CALN1: variants seen among roughly 807,000 people sequenced by gnomAD.
CALN1 encodes calcium-binding protein 8.
A neutral mutation model predicts 30.6 loss-of-function variants in CALN1; 17 were observed. The ratio of observed to expected loss-of-function variants is 0.56; its 90% CI spans 0.38 to 0.83. The LOEUF (loss-of-function observed/expected upper bound fraction) is 0.83. Ranked by LOEUF, CALN1 falls within the 40% of genes least tolerant of loss-of-function variation. CALN1 has a pLI of 0.00. For missense variants in CALN1, 291 were observed against 354.9 expected (o/e 0.82, Z 1.45); for synonymous variants, 156 against 131.4 (o/e 1.19, Z -1.28).
chr7:72,250,526 T>G (rs780531738), intron 3 of CALN1, among the ~76,000 whole-genome samples: 1 of 152,138 alleles, frequency 6.6e-6, no homozygotes, highest in Non-Finnish European at 1.5e-5. Flanking sequence ...AGTTCAGATG[T>G]CTGTCCCCTC....
intron 5 of CALN1, among the ~76,000 whole-genome samples, chr7:71,868,628 T>G (rs1361796897): frequency 6.6e-6 from 1 of 151,990 alleles, no homozygotes; most frequent in African/African-American, 2.4e-5. Flanking sequence ...TGCCTCAGCC[T>G]CCCAGAGTGC....
chr7:72,178,141 G>T (rs967190289), intron 3 of CALN1, among the ~76,000 whole-genome samples: 12 of 152,170 alleles, frequency 7.9e-5, no homozygotes, highest in Admixed American at 7.9e-4. Context: ...AATTCAGAAG[G>T]AGAATAAGGC....
intron 4 of CALN1, among the ~76,000 whole-genome samples, chr7:72,082,771 T>C (rs1035058056): frequency 6.6e-6 from 1 of 152,226 alleles, no homozygotes; most frequent in Non-Finnish European, 1.5e-5. Flanking sequence ...AACTACGGAT[T>C]ACATTGCGTG....
intron 5 of CALN1, among the ~76,000 whole-genome samples, chr7:71,849,326 G>C (rs1790503335): frequency 6.6e-6 from 1 of 152,040 alleles, no homozygotes; most frequent in South Asian, 2.1e-4. Context: ...TGGACTCCCA[G>C]TCCATTCCAT....
the CALN1 span, among the ~76,000 whole-genome samples, chr7:72,457,112 G>A: frequency 2.7e-5 from 4 of 149,090 alleles, no homozygotes; most frequent in Admixed American, 2.0e-4. Flanking sequence ...GGGTTCAAGC[G>A]ATTCTCTTGT....
intron 5 of CALN1, among the ~76,000 whole-genome samples, chr7:71,953,685 G>A (rs905940427): frequency 6.6e-6 from 1 of 152,060 alleles, no homozygotes; most frequent in African/African-American, 2.4e-5. Flanking sequence ...AATATTTACT[G>A]AGTGCCATTT....
chr7:72,419,579 G>A (rs1403335840), intron 1 of CALN1, among the ~76,000 whole-genome samples: 1 of 152,116 alleles, frequency 6.6e-6, no homozygotes, highest in Non-Finnish European at 1.5e-5. Context: ...ATATAGAATG[G>A]CTGGGCTCCT....
intron 5 of CALN1, among the ~76,000 whole-genome samples, chr7:72,019,094 G>A (rs749024717): frequency 2.7e-5 from 4 of 150,304 alleles, no homozygotes; most frequent in African/African-American, 9.8e-5. Context: ...CAACTGATCC[G>A]CCCACCTCGG....
At chr7:71,921,189 C>T (rs1034964179) in intron 5 of CALN1, among the ~76,000 whole-genome samples, 14 of 152,234 alleles carry the variant, frequency 9.2e-5, no homozygotes, top group Middle Eastern at 3.4e-3. Context: ...ATACATCACA[C>T]ACACACACCG....
intron 3 of CALN1, among the ~76,000 whole-genome samples, chr7:72,141,387 G>T (rs1457131357): frequency 6.6e-6 from 1 of 152,064 alleles, no homozygotes; most frequent in Non-Finnish European, 1.5e-5. Context: ...ATCACCTGAG[G>T]TCAAGAGTTC....
At chr7:72,091,441 T>C (rs1805854854) in intron 4 of CALN1, among the ~76,000 whole-genome samples, 1 of 152,252 alleles carries the variant, frequency 6.6e-6, no homozygotes, top group South Asian at 2.1e-4. Flanking sequence ...CTTTAGGCGA[T>C]GGATACCTCA....
At chr7:72,323,797 A>C (rs1258633599) in intron 2 of CALN1, among the ~76,000 whole-genome samples, 4 of 152,160 alleles carry the variant, frequency 2.6e-5, no homozygotes, top group Non-Finnish European at 5.9e-5. Flanking sequence ...TAATCCCGGC[A>C]CTTTGGGAGG....
chr7:72,392,999 T>TA (rs748122625), intron 2 of CALN1, among the ~76,000 whole-genome samples: 74 of 149,632 alleles, frequency 4.9e-4, no homozygotes, highest in Admixed American at 1.8e-3. Flanking sequence ...CTCTGTCACT[T>TA]AAAAAAAAAA....
intron 6 of CALN1, among the ~76,000 whole-genome samples, chr7:71,795,994 A>AT (rs35000438): frequency 0.19 from 26,149 of 140,634 alleles, 3,294 homozygotes; most frequent in East Asian, 0.69. Context: ...AATTTTTTGC[A>AT]TTTTTTTTTT....
intron 5 of CALN1, among the ~76,000 whole-genome samples, chr7:71,967,700 T>C (rs899854095): frequency 1.3e-5 from 2 of 150,008 alleles, no homozygotes; most frequent in Non-Finnish European, 3.0e-5. Context: ...TATAAAGAAC[T>C]TTCAAACTCA....
At chr7:72,399,727 C>T (rs572870343) in intron 2 of CALN1, among the ~76,000 whole-genome samples, 2 of 152,272 alleles carry the variant, frequency 1.3e-5, no homozygotes, top group South Asian at 4.2e-4. Context: ...CATCTAATAG[C>T]TCAAGGAACT....
intron 5 of CALN1, chr7:71,942,387 C>T: frequency 5.8e-6 from 1 of 173,168 alleles, no homozygotes; most frequent in Non-Finnish European, 1.4e-5. Context: ...GCTCCAGCAT[C>T]CGCAGTGTAA....
chr7:72,048,344 C>G (rs1419549730), intron 4 of CALN1, among the ~76,000 whole-genome samples: 1 of 152,014 alleles, frequency 6.6e-6, no homozygotes, highest in Non-Finnish European at 1.5e-5. Context: ...CAGCCCATAT[C>G]TCTTCTTAAT....
At chr7:71,826,450 C>A (rs1428869126) in intron 5 of CALN1, among the ~76,000 whole-genome samples, 5 of 152,206 alleles carry the variant, frequency 3.3e-5, no homozygotes, top group African/African-American at 9.6e-5. Flanking sequence ...AAAAAGAGCA[C>A]AAGATCATTC....
Sources: gnomAD v4.1 joint callset for allele counts (sites outside exome capture counted in the v4.1 genomes callset) on GRCh38, gnomAD v4.1.1 for gene constraint, MANE v1.5 for transcripts, NCBI Gene and HGNC (gene_info 2026-07-23, HGNC 2026-07-21) for gene names.